The following BRPF1 variants were observed in gnomAD, a reference collection of about 807,000 sequenced individuals.
BRPF1 encodes the protein bromodomain and PHD finger containing 1.
In BRPF1, 15 loss-of-function variants were observed where a neutral mutation model predicts 115.0. The observed-to-expected ratio is 0.13, with a 90% CI of 0.09 to 0.20. The LOEUF (loss-of-function observed/expected upper bound fraction) is 0.20. Ranked by LOEUF, BRPF1 falls within the 10% of genes least tolerant of loss-of-function variation. BRPF1 has a pLI of 1.00. For missense variants in BRPF1, 1,118 were observed against 1,638.3 expected (o/e 0.68, Z 5.48); for synonymous variants, 647 against 619.8 (o/e 1.04, Z -0.65).
In BRPF1 at chr3:9,747,558, G is replaced by A. The variant is rs1208255535; in HGVS notation, c.*209G>A. 6.2e-5 allele frequency: 32 copies of A among 512,188 alleles called. No individual in the cohort carries two copies. The South Asian group carries it at 9.5e-4, about 15-fold the overall frequency. The allele number at this position is 512,188 out of a possible 1,614,324, so 31.7% of individuals were successfully genotyped here. A position where few individuals can be genotyped will look rare whatever the true frequency, so the allele number is the denominator to read the frequency against. On this transcript the variant is annotated 3_prime_UTR_variant, in exon 14 of 14. Transcript: ENST00000383829. This position sits in a 1 kb window ranked among gnomAD's most constrained non-coding sequence, Gnocchi z 5.6. The stretch of plus-strand genomic sequence containing the variant: ...AGGGCCAATGGCAGTTCAGCGCAAG[G>A]AGAGGGAGGGCCCACAGGTCAGAAA...
At position 9,739,203 on chromosome 3, in the gene BRPF1, G is replaced by A. The variant is rs924582189; in HGVS notation, c.804G>A (p.Ala268=). The change falls in exon 3 of 14, where the codon GCG becomes GCA. Residue 268 remains alanine (A), a synonymous_variant. Transcript: ENST00000383829. ...GTCATAATAAAGGCGACCCTAATGCGCTAGTGGACGAGGATGCTGTTTGCT... is the reference window on the plus strand; with the variant it reads ...GTCATAATAAAGGCGACCCTAATGCACTAGTGGACGAGGATGCTGTTTGCT... ...FESHNKGDPN[A]LVDEDAVCCI... 16 of 1,613,650 alleles carry A rather than the reference G, an allele frequency of 9.9e-6. No homozygotes were observed. The Admixed American group carries it at 1.0e-4, about 10-fold the overall frequency.
intron 1 of BRPF1, chr3:9,733,151 C>A (rs1168664712): frequency 6.6e-6 from 1 of 152,240 alleles, no homozygotes; most frequent in East Asian, 1.9e-4. Flanking sequence ...TAAATGACCT[C>A]AGTTTTCACT....
Position 9,745,865 on chromosome 3 carries a change from T to A in BRPF1, c.3259T>A (p.Ser1087Thr), listed in dbSNP as rs2077117044. ...TGGCTGGCTGTCAGAGGATGAGGAC[T>A]CCCCGCTGGATGCTCTGGACCTCGT... ...GAGWLSEDEDSPLDALDLVWA... is the reference protein window; with the variant it reads ...GAGWLSEDEDTPLDALDLVWA... Residue 1087 changes from serine to threonine, a missense_variant, in exon 12 of 14, where the codon TCC becomes ACC. By Grantham distance (58) the Ser-to-Thr change is moderately conservative. Coordinates refer to ENST00000383829, the MANE Select transcript of BRPF1 (RefSeq NM_001003694.2). The surrounding 1 kb of genome is among the most constrained non-coding windows in gnomAD (Gnocchi z 5.1). The A allele has an allele frequency of 1.2e-6, 2 of 1,614,110 alleles. No individual in the cohort carries two copies. Among genetic ancestry groups the A allele is most frequent in the Non-Finnish European group, 1.7e-6 (2 of 1,180,018 alleles).
chr3:9,746,094 G>C (rs967585777), intron 12 of BRPF1, among the ~76,000 whole-genome samples, 164 bp downstream of exon 12: 4 of 152,178 alleles, frequency 2.6e-5, no homozygotes, highest in African/African-American at 7.2e-5. Context: ...CTCCCACTCA[G>C]TTTCTCCATC....
chr3:9,743,931 A>G lies in BRPF1; in HGVS notation c.2635+30A>G. The stretch of plus-strand genomic sequence containing the variant: ...GAATCCCATGGCAAGGTGGACCCCA[A>G]AGCAAGTCAGACTTTGGCTCTGCAG... On this transcript the variant is annotated intron_variant, in intron 8 of 13. Transcript: ENST00000383829. The surrounding 1 kb of genome is among the most constrained non-coding windows in gnomAD (Gnocchi z 6.1). 1 of 1,539,060 alleles carries G rather than the reference A, an allele frequency of 6.5e-7. No individual in the cohort carries two copies. Among genetic ancestry groups the G allele is most frequent in the Non-Finnish European group, 8.8e-7 (1 of 1,139,678 alleles).
chr3:9,738,507 A>C (rs2076978196), intron 2 of BRPF1, among the ~76,000 whole-genome samples: 1 of 152,258 alleles, frequency 6.6e-6, no homozygotes, highest in African/African-American at 2.4e-5. Context: ...GATCCATGGC[A>C]GCTCTAGTCG....
At position 9,739,678 on chromosome 3, in the gene BRPF1, C is replaced by A; in HGVS notation, c.1279C>A (p.Arg427=). ...AGLYMKMEPV[R]ETGANGTSFS... is the part of the protein sequence containing the mutation. ...CCTTTACATGAAGATGGAGCCTGTG[C>A]GGGAGACAGGCGCCAACGGCACCTC... Residue 427 remains arginine, a synonymous_variant, in exon 3 of 14, where the codon CGG becomes AGG. Coordinates refer to ENST00000383829, the MANE Select transcript of BRPF1 (RefSeq NM_001003694.2). 4 of 1,613,168 alleles carry A rather than the reference C, an allele frequency of 2.5e-6. No individual in the cohort carries two copies. The highest frequency in any genetic ancestry group is 3.4e-6 in the Non-Finnish European group (4 of 1,179,136).
intron 1 of BRPF1, chr3:9,732,658 G>T (rs1369476424): frequency 6.6e-6 from 1 of 152,234 alleles, no homozygotes; most frequent in East Asian, 1.9e-4. Flanking sequence ...TTGTGCTTCG[G>T]TTGGTTTATG....
Position 9,744,474 on chromosome 3 carries a change from C to T in BRPF1, c.2886C>T (p.Ser962=), listed in dbSNP as rs374376906. The change falls in exon 9 of 14, where the codon AGC becomes AGT. Residue 962 remains serine, a synonymous_variant. Transcript: ENST00000383829. The stretch of plus-strand genomic sequence containing the variant: ...CCCGGCCCAGTTCGAGCTCAGACAG[C>T]GACAGTGATAAGTCCACAGAAGACC... ...RSPRPSSSSD[S]DSDKSTEDPP... 22 of 1,570,716 alleles carry T rather than the reference C, an allele frequency of 1.4e-5. No individual in the cohort carries two copies. Among genetic ancestry groups the T allele is most frequent in the Middle Eastern group, 1.7e-4 (1 of 5,798 alleles).
At position 9,743,695 on chromosome 3, in the gene BRPF1, G is replaced by A. The variant is rs2077071422; in HGVS notation, c.2429G>A (p.Gly810Asp). ...GTGAATGCCAGCAAGCAGAGTGTGG[G>A]CCGCTCACGGCGTGCAAAGATGATC... is the stretch of plus-strand genomic sequence containing the variant. The part of the protein sequence containing the change: ...DEVNASKQSV[G>D]RSRRAKMIKK... The change falls in exon 8 of 14, where the codon GGC becomes GAC. Residue 810 changes from glycine to aspartate, a missense_variant. By Grantham distance (94) the Gly-to-Asp change is moderately conservative. This residue lies in a region of BRPF1 where 223 missense variants were observed against 240.7 expected (regional missense o/e 0.93). Transcript: ENST00000383829. The surrounding 1 kb of genome is among the most constrained non-coding windows in gnomAD (Gnocchi z 6.1). 1 of 1,614,166 alleles carries A rather than the reference G, an allele frequency of 6.2e-7. No individual in the cohort carries two copies. Among genetic ancestry groups the A allele is most frequent in the African/African-American group, 1.3e-5 (1 of 75,058 alleles).
chr3:9,742,087 A>T lies in BRPF1; in HGVS notation c.1917A>T (p.Lys639Asn), dbSNP rs1414423053. The T allele has an allele frequency of 1.2e-6, 2 of 1,614,012 alleles. No homozygotes were observed. Among genetic ancestry groups the T allele is most frequent in the Non-Finnish European group, 1.7e-6 (2 of 1,180,028 alleles). ...QLTPFLILLR[K>N]TLEQLQEKDT... ...CTCCTTTCCTCATCCTCCTTCGCAA[A>T]ACCTTGGAGCAGCTCCAAGAGAAGG... Residue 639 changes from lysine to asparagine, a missense_variant, in exon 6 of 14, where the codon AAA becomes AAT. By Grantham distance (94) the Lys-to-Asn change is moderately conservative. This residue lies in a region of BRPF1 where 178 missense variants were observed against 303.7 expected (regional missense o/e 0.59). Transcript: ENST00000383829.
intron 12 of BRPF1, among the ~76,000 whole-genome samples, 180 bp from the exon 13 acceptor site, chr3:9,746,120 T>C (rs1203928992): frequency 6.6e-6 from 1 of 152,302 alleles, no homozygotes; most frequent in Middle Eastern, 3.4e-3. Flanking sequence ...CTTTTGCTTC[T>C]CTTTGCTCCT....
chr3:9,744,939 C>A, intron 9 of BRPF1, 69 bp from the exon 10 acceptor site: 1 of 1,602,866 alleles, frequency 6.2e-7, no homozygotes. Context: ...GTCCCTCTTA[C>A]CTCCATGTCA....
chr3:9,738,954 G>A, intron 2 of BRPF1, 45 bp from the exon 3 acceptor site: 1 of 1,515,122 alleles, frequency 6.6e-7, no homozygotes, highest in South Asian at 1.3e-5. Flanking sequence ...TTTAAGGGAG[G>A]GAAATCTCAA....
Position 9,739,728 on chromosome 3 carries a change from C to T in BRPF1, c.1329C>T (p.Tyr443=). 2 of 1,614,078 alleles carry T rather than the reference C, an allele frequency of 1.2e-6. No individual in the cohort carries two copies. Among genetic ancestry groups the T allele is most frequent in the Non-Finnish European group, 1.7e-6 (2 of 1,179,884 alleles). Residue 443 remains tyrosine, a synonymous_variant, in exon 3 of 14, where the codon TAC becomes TAT. Coordinates refer to ENST00000383829, the MANE Select transcript of BRPF1 (RefSeq NM_001003694.2). ...CTTTCAGTGTCCGCAAGACAGCCTA[C>T]TGCGACATCCACACGCCTCCAGGTT... ...GTSFSVRKTA[Y]CDIHTPPGSA... is the part of the protein sequence containing the mutation.
At position 9,743,089 on chromosome 3, in the gene BRPF1, A is replaced by G; in HGVS notation, c.2147A>G (p.Lys716Arg). Residue 716 changes from lysine (K) to arginine (R), a missense_variant, in exon 7 of 14, where the codon AAG becomes AGG. Physicochemically the swap from Lys to Arg is conservative, Grantham distance 26. Coordinates refer to ENST00000383829, the MANE Select transcript of BRPF1 (RefSeq NM_001003694.2). This position sits in a 1 kb window ranked among gnomAD's most constrained non-coding sequence, Gnocchi z 6.1. The part of the protein sequence containing the change: ...IVSNCLKYNA[K>R]DTIFYRAAVR... The stretch of plus-strand genomic sequence containing the variant: ...AGCAACTGCCTCAAGTATAACGCCA[A>G]GGACACCATCTTCTACCGGGCAGCA... The G allele has an allele frequency of 1.2e-6, 2 of 1,614,236 alleles. No homozygotes were observed. The highest frequency in any genetic ancestry group is 2.2e-5 in the South Asian group (2 of 91,086).
At position 9,747,304 on chromosome 3, in the gene BRPF1, C is replaced by T. The variant is rs1236780681; in HGVS notation, c.3618C>T (p.Ser1206=). 4 of 1,614,106 alleles carry T rather than the reference C, an allele frequency of 2.5e-6. No individual in the cohort carries two copies. In the South Asian group the frequency reaches 3.3e-5, roughly 13 times the overall value. The change falls in exon 14 of 14, where the codon AGC becomes AGT. Residue 1206 remains serine, a synonymous_variant. Coordinates refer to ENST00000383829, the MANE Select transcript of BRPF1 (RefSeq NM_001003694.2). This position sits in a 1 kb window ranked among gnomAD's most constrained non-coding sequence, Gnocchi z 5.6. ...ACCACAGGGCTCTGCAGCACCGCAG[C>T]AAGGTGCAAGGCGAGCAGAGCAGTG... is the stretch of plus-strand genomic sequence containing the variant. ...IAYHRALQHR[S]KVQGEQSSET... is the part of the protein sequence containing the mutation.
intron 6 of BRPF1, chr3:9,742,482 C>T: frequency 1.0e-6 from 1 of 985,424 alleles, no homozygotes; most frequent in Non-Finnish European, 1.2e-6. Context: ...GAAGGCTCAG[C>T]ACCTAAAGAA....
chr3:9,739,671 G>T lies in BRPF1; in HGVS notation c.1272G>T (p.Glu424Asp). 6.2e-7 allele frequency: 1 copy of T among 1,612,936 alleles called. No individual in the cohort carries two copies. Among genetic ancestry groups the T allele is most frequent in the African/African-American group, 1.3e-5 (1 of 75,034 alleles). ...AQQAGLYMKM[E>D]PVRETGANGT... The stretch of plus-strand genomic sequence containing the variant: ...AGGCTGGCCTTTACATGAAGATGGA[G>T]CCTGTGCGGGAGACAGGCGCCAACG... Residue 424 changes from glutamate to aspartate, a missense_variant, in exon 3 of 14, where the codon GAG becomes GAT. Around this residue, in one of 10 missense-constraint regions of BRPF1, gnomAD observed 87 missense variants for 93.4 expected, o/e 0.93. Coordinates refer to ENST00000383829, the MANE Select transcript of BRPF1 (RefSeq NM_001003694.2).
Sources: gnomAD v4.1 joint callset for allele counts (sites outside exome capture counted in the v4.1 genomes callset) on GRCh38, gnomAD v4.1.1 for gene constraint, gnomAD v4.1.1 regional missense constraint, Gnocchi (gnomAD v3.1) non-coding constraint, MANE v1.5 for transcripts, NCBI Gene and HGNC (gene_info 2026-07-23, HGNC 2026-07-21) for gene names.